The following GRID1 variants were observed in gnomAD, a reference collection of about 807,000 sequenced individuals.
The protein encoded by GRID1 is glutamate receptor ionotropic, delta-1.
GRID1 carries 28 observed loss-of-function variants against 98.0 expected under a neutral mutation model. The observed-to-expected ratio is 0.29, with a 90% CI of 0.21 to 0.39. The LOEUF is 0.39. GRID1 is among the 10% of genes least tolerant of loss of function. The pLI is 1.00. For synonymous variants in GRID1, 553 were observed against 538.5 expected (o/e 1.03, Z -0.37); for missense variants, 1,111 against 1,340.5 (o/e 0.83, Z 2.67).
At position 86,364,037 on chromosome 10, in the gene GRID1, C is replaced by A; in HGVS notation, c.139G>T (p.Asp47Tyr). The A allele has an allele frequency of 6.2e-7, 1 of 1,613,896 alleles. No homozygotes were observed. Among genetic ancestry groups the A allele is most frequent in the Non-Finnish European group, 8.5e-7 (1 of 1,179,764 alleles). Residue 47 changes from aspartate to tyrosine, a missense_variant, in exon 2 of 16, where the codon GAC becomes TAC. Physicochemically the swap from Asp to Tyr is radical, Grantham distance 160. Transcript: ENST00000327946. Reference protein sequence around the residue: ...DDRVFQLAVSDLSLNDDILQS... With the variant: ...DDRVFQLAVSYLSLNDDILQS... ...AGGATGTCATCGTTGAGGCTCAGGT[C>A]GGATACCGCCAACTGGAACACCCTG...
rs544061483 is a variant in GRID1 at position 85,904,050 on chromosome 10, C to A, written c.780+12136G>T. Among the ~76,000 whole-genome samples the A allele has an allele frequency of 2.0e-3, 306 of 152,286 alleles. 1 individual carries two copies. The highest frequency in any genetic ancestry group is 0.01 in the Middle Eastern group (3 of 294). The stretch of plus-strand genomic sequence containing the variant: ...TTGTATTACTCTACATAGTATCTAA[C>A]AAATTCATCAAATTATAAATGTAAT... On this transcript the variant is annotated intron_variant, in intron 5 of 15. Coordinates refer to ENST00000327946, the MANE Select transcript of GRID1 (RefSeq NM_017551.3).
chr10:85,847,354 C>T (rs1040866124), intron 8 of GRID1, among the ~76,000 whole-genome samples: 4 of 152,090 alleles, frequency 2.6e-5, no homozygotes, highest in Non-Finnish European at 5.9e-5. Context: ...TCTGAATTGG[C>T]CAACCCTGAA....
In GRID1 at chr10:86,209,179, A is replaced by G. The variant is rs1046221466; in HGVS notation, c.236-2531T>C. Among the ~76,000 whole-genome samples the G allele has an allele frequency of 3.9e-5, 6 of 152,252 alleles. No homozygotes were observed. The South Asian group carries it at 1.2e-3, about 31-fold the overall frequency. On this transcript the variant is annotated intron_variant, in intron 2 of 15. Coordinates refer to ENST00000327946, the MANE Select transcript of GRID1 (RefSeq NM_017551.3). ...ATGTTAAAAGTGACTGCAATTTAGA[A>G]GAAACCTGAAAGTGGTTTTCATTCT...
In GRID1 at chr10:85,706,746, A is replaced by T. The variant is rs188139257; in HGVS notation, c.1997+16257T>A. Among the ~76,000 whole-genome samples, 138 of 152,336 alleles carry T rather than the reference A, an allele frequency of 9.1e-4. 1 individual carries two copies. The East Asian group carries it at 0.013, about 14-fold the overall frequency. On this transcript the variant is annotated intron_variant, in intron 12 of 15. Coordinates refer to ENST00000327946, the MANE Select transcript of GRID1 (RefSeq NM_017551.3). ...GCTACAGTCACCAAAACAGCATGGT[A>T]CTGGTACCAAAACAGAGATATAGAT...
intron 3 of GRID1, among the ~76,000 whole-genome samples, chr10:86,140,568 G>A (rs547380114): frequency 5.3e-5 from 8 of 152,338 alleles, no homozygotes; most frequent in Admixed American, 2.0e-4. Context: ...ACCAAGCAGC[G>A]CGAGGGAGAA....
At chr10:86,026,232 T>C (rs1202255407) in intron 4 of GRID1, among the ~76,000 whole-genome samples, 5 of 152,250 alleles carry the variant, frequency 3.3e-5, no homozygotes, top group Non-Finnish European at 7.3e-5. Flanking sequence ...TGGAGAGTTA[T>C]AAACATATGC....
chr10:86,110,946 C>T (rs985220235), intron 4 of GRID1, among the ~76,000 whole-genome samples: 7 of 152,196 alleles, frequency 4.6e-5, no homozygotes, highest in African/African-American at 1.4e-4. Flanking sequence ...TAAAGCCCAG[C>T]GTATCAGTTA....
At chr10:85,903,720 C>T (rs944003638) in intron 5 of GRID1, among the ~76,000 whole-genome samples, 1 of 152,236 alleles carries the variant, frequency 6.6e-6, no homozygotes, top group African/African-American at 2.4e-5. Context: ...CCACCACTCT[C>T]TCCATCACTC....
intron 4 of GRID1, among the ~76,000 whole-genome samples, chr10:85,917,687 C>A (rs1841640517): frequency 6.6e-6 from 1 of 152,218 alleles, no homozygotes; most frequent in Non-Finnish European, 1.5e-5. Flanking sequence ...GTGCTGCAGC[C>A]TGCAAACTGT....
At chr10:85,701,980 A>G (rs184263730) in intron 12 of GRID1, among the ~76,000 whole-genome samples, 270 of 152,282 alleles carry the variant, frequency 1.8e-3, no homozygotes, top group Middle Eastern at 0.014. Context: ...GTACATGAAG[A>G]TATTTCCAAA....
chr10:86,080,431 G>GGGAA (rs1843956563), intron 4 of GRID1, among the ~76,000 whole-genome samples: 1 of 24,368 alleles, frequency 4.1e-5, no homozygotes, highest in African/African-American at 2.6e-4. Context: ...GGGGAGGGGA[G>GGGAA]GGGAGGGGAG....
At chr10:85,655,023 C>G (rs988658269) in intron 12 of GRID1, among the ~76,000 whole-genome samples, 1 of 152,220 alleles carries the variant, frequency 6.6e-6, no homozygotes, top group Non-Finnish European at 1.5e-5. Flanking sequence ...AATGTCCACA[C>G]TATTCACTAG....
intron 8 of GRID1, among the ~76,000 whole-genome samples, chr10:85,783,824 A>AAAATATAT (rs1472748646): frequency 1.3e-5 from 2 of 152,224 alleles, no homozygotes; most frequent in Non-Finnish European, 2.9e-5. Context: ...TGTTGTCACC[A>AAAATATAT]GAAGCTTACT....
At chr10:85,989,589 C>T (rs986257161) in intron 4 of GRID1, among the ~76,000 whole-genome samples, 2 of 152,122 alleles carry the variant, frequency 1.3e-5, no homozygotes, top group Non-Finnish European at 1.5e-5. Flanking sequence ...ATTAAGCATG[C>T]GACAGATCTA....
chr10:86,113,639 G>A (rs1469153525), intron 4 of GRID1, among the ~76,000 whole-genome samples: 1 of 152,094 alleles, frequency 6.6e-6, no homozygotes, highest in Non-Finnish European at 1.5e-5. Context: ...GCCTCGCCTG[G>A]TTTACCCCCT....
intron 4 of GRID1, among the ~76,000 whole-genome samples, chr10:86,127,063 T>A (rs1036751325): frequency 2.0e-5 from 3 of 152,264 alleles, no homozygotes; most frequent in African/African-American, 7.2e-5. Context: ...GTAGCCTGGA[T>A]GGGATGGTCC....
intron 4 of GRID1, among the ~76,000 whole-genome samples, chr10:86,124,847 G>T (rs894433971): frequency 6.6e-6 from 1 of 152,162 alleles, no homozygotes; most frequent in South Asian, 2.1e-4. Flanking sequence ...GAGCCAGGGC[G>T]GGAGCTTATG....
intron 8 of GRID1, among the ~76,000 whole-genome samples, chr10:85,753,336 A>T (rs1842065672): frequency 6.6e-6 from 1 of 152,240 alleles, no homozygotes; most frequent in South Asian, 2.1e-4. Flanking sequence ...ACTGACATGT[A>T]GACAGTGAGG....
intron 2 of GRID1, among the ~76,000 whole-genome samples, chr10:86,289,121 T>C (rs1847475793): frequency 6.6e-6 from 1 of 152,186 alleles, no homozygotes; most frequent in Admixed American, 6.5e-5. Context: ...TCACTCAAGG[T>C]TGGCAGACCA....
Sources: gnomAD v4.1 joint callset for allele counts (sites outside exome capture counted in the v4.1 genomes callset) on GRCh38, gnomAD v4.1.1 for gene constraint, MANE v1.5 for transcripts, NCBI Gene and HGNC (gene_info 2026-07-23, HGNC 2026-07-21) for gene names.